The following SYTL3 variants were observed in gnomAD, a reference collection of about 807,000 sequenced individuals.
SYTL3 encodes synaptotagmin like 3, also known as synaptotagmin-like protein 3.
SYTL3 carries 88 observed loss-of-function variants against 82.1 expected under a neutral mutation model. The ratio of observed to expected loss-of-function variants is 1.07; its 90% confidence interval spans 0.90 to 1.28. The LOEUF (loss-of-function observed/expected upper bound fraction) is 1.28, where lower values mean the gene tolerates loss of function less well. Among genes scored for constraint, SYTL3 ranks in the 50% most tolerant of loss-of-function variants. SYTL3 has a pLI of 0.00. For missense variants in SYTL3, 831 were observed against 757.6 expected, an observed-to-expected ratio of 1.10 and a Z score of -1.14; for synonymous variants, 311 against 289.4, an observed-to-expected ratio of 1.07 and a Z score of -0.76.
At chr6:158,707,638 C>A (rs1292798238) in intron 7 of SYTL3, among the ~76,000 whole-genome samples, 1 of 152,190 alleles carries the variant, frequency 6.6e-6, no homozygotes, top group Non-Finnish European at 1.5e-5. Flanking sequence ...AACACCCTAC[C>A]CAGCGCCTGG....
intron 11 of SYTL3, among the ~76,000 whole-genome samples, chr6:158,729,267 G>A (rs1334604465): frequency 6.6e-6 from 1 of 152,174 alleles, no homozygotes; most frequent in Non-Finnish European, 1.5e-5. Context: ...GGAAGTTCAG[G>A]ATCTCAAGGC....
intron 5 of SYTL3, among the ~76,000 whole-genome samples, chr6:158,669,381 A>G (rs187730079): frequency 6.9e-4 from 105 of 152,330 alleles, no homozygotes; most frequent in Admixed American, 2.2e-3. Context: ...CAACAAATCA[A>G]TGATTCTTCA....
intron 12 of SYTL3, among the ~76,000 whole-genome samples, chr6:158,746,622 C>T (rs939526873): frequency 6.6e-6 from 1 of 151,706 alleles, no homozygotes; most frequent in Non-Finnish European, 1.5e-5. Context: ...TGCACCACCA[C>T]GCCCAGCTAA....
chr6:158,706,677 G>T (rs371365794), intron 6 of SYTL3, among the ~76,000 whole-genome samples: 2 of 152,104 alleles, frequency 1.3e-5, no homozygotes, highest in Non-Finnish European at 2.9e-5. Context: ...TATTTCTGGC[G>T]TCTTAACACA....
intron 5 of SYTL3, among the ~76,000 whole-genome samples, chr6:158,672,239 C>T (rs1365918815): frequency 6.6e-6 from 1 of 152,048 alleles, no homozygotes; most frequent in Non-Finnish European, 1.5e-5. Flanking sequence ...TGCAGTGAGC[C>T]GAGATTGCAC....
chr6:158,658,821 C>T (rs973511520), intron 2 of SYTL3, among the ~76,000 whole-genome samples: 20 of 151,994 alleles, frequency 1.3e-4, no homozygotes, highest in Non-Finnish European at 2.8e-4. Flanking sequence ...CGCTACTACT[C>T]GGGAGGCTGA....
At chr6:158,677,516 G>A (rs1216671058) in intron 5 of SYTL3, among the ~76,000 whole-genome samples, 6 of 151,732 alleles carry the variant, frequency 4.0e-5, no homozygotes, top group Non-Finnish European at 7.4e-5. Flanking sequence ...ACACCTGCAC[G>A]TTGTGCACAT....
intron 9 of SYTL3, among the ~76,000 whole-genome samples, chr6:158,715,641 CCCCCCACCA>C (rs1562414217): frequency 2.0e-5 from 1 of 50,802 alleles, no homozygotes; most frequent in Non-Finnish European, 5.7e-5. Context: ...CCCCCCATAC[CCCCCCACCA>C]CCCCCACCCC....
chr6:158,673,848 C>A (rs1777686984), intron 5 of SYTL3, among the ~76,000 whole-genome samples: 1 of 150,978 alleles, frequency 6.6e-6, no homozygotes. Flanking sequence ...CTTTGGGAGG[C>A]CGAGCTGGGC....
Position 158,764,583 on chromosome 6 carries a change from C to T in SYTL3, c.1812C>T (p.Asp604=), listed in dbSNP as rs761882798. 25 of 1,613,368 alleles carry T rather than the reference C, an allele frequency of 1.5e-5. No homozygotes were observed. Among genetic ancestry groups the T allele is most frequent in the Non-Finnish European group, 2.0e-5 (24 of 1,179,442 alleles). ...KVLSSPNLWT[D]MTLVLH is the part of the protein sequence containing the mutation. ...TTTCCAGCCCCAATCTATGGACAGA[C>T]ATGACTCTTGTCCTGCACTGACATG... Residue 604 remains aspartate, a synonymous_variant, in exon 18 of 18, where the codon GAC becomes GAT. Transcript: ENST00000611299.
chr6:158,738,615 C>A (rs1786510368), intron 11 of SYTL3, among the ~76,000 whole-genome samples: 1 of 152,176 alleles, frequency 6.6e-6, no homozygotes, highest in Non-Finnish European at 1.5e-5. Flanking sequence ...ACCTTCCATT[C>A]CCCTCCAGCT....
At chr6:158,732,667 T>C (rs1189554288) in intron 11 of SYTL3, among the ~76,000 whole-genome samples, 1 of 152,188 alleles carries the variant, frequency 6.6e-6, no homozygotes, top group African/African-American at 2.4e-5. Context: ...GTGTCTCCAA[T>C]GACGAAGGAA....
At chr6:158,653,764 G>A (rs1788333384) in intron 2 of SYTL3, among the ~76,000 whole-genome samples, 1 of 152,214 alleles carries the variant, frequency 6.6e-6, no homozygotes, top group Non-Finnish European at 1.5e-5. Context: ...TTGAAAGCGT[G>A]TGTGGTGATG....
In SYTL3 at chr6:158,718,198, A is replaced by C; in HGVS notation, c.707A>C (p.Asn236Thr). 6.5e-7 allele frequency: 1 copy of C among 1,538,122 alleles called. No individual in the cohort carries two copies. Among genetic ancestry groups the C allele is most frequent in the Non-Finnish European group, 8.8e-7 (1 of 1,140,298 alleles). ...ERRSQSDTAV[N>T]VTTRKVSAPD... The stretch of plus-strand genomic sequence containing the variant: ...CGGAGCCAGTCTGACACTGCGGTCA[A>C]CGTCACCACCAGGGTACCCTGAGCC... The change falls in exon 10 of 18, where the codon AAC (asparagine) becomes ACC (threonine). Residue 236 changes from asparagine to threonine, a missense_variant. Asn to Thr is a moderately conservative substitution (Grantham distance 65, BLOSUM62 0). Transcript: ENST00000611299.
intron 17 of SYTL3, 54 bp from the exon 18 acceptor site, chr6:158,764,441 G>C: frequency 7.6e-7 from 1 of 1,318,480 alleles, no homozygotes; most frequent in Non-Finnish European, 1.1e-6. Context: ...GGGATGAGAG[G>C]GGATGAAGTG....
At chr6:158,664,931 G>A (rs1789843639) in intron 4 of SYTL3, among the ~76,000 whole-genome samples, 1 of 152,030 alleles carries the variant, frequency 6.6e-6, no homozygotes, top group African/African-American at 2.4e-5. Flanking sequence ...CAAAAGCATA[G>A]CATCAGTTGA....
chr6:158,720,881 C>T (rs1037460193), intron 10 of SYTL3, among the ~76,000 whole-genome samples: 10 of 152,178 alleles, frequency 6.6e-5, no homozygotes, highest in Admixed American at 2.0e-4. Context: ...CCATTTGCAC[C>T]GTGATGTGCT....
chr6:158,713,974 C>T, intron 9 of SYTL3, 96 bp downstream of exon 9: 1 of 833,064 alleles, frequency 1.2e-6, no homozygotes, highest in Non-Finnish European at 2.0e-6. Context: ...TGACACTGTC[C>T]CTCAGGCCAC....
chr6:158,681,607 G>T (rs995691592), intron 5 of SYTL3, among the ~76,000 whole-genome samples: 1 of 152,148 alleles, frequency 6.6e-6, no homozygotes, highest in Admixed American at 6.6e-5. Flanking sequence ...GAACCCACGA[G>T]GGGGAGATTG....
Sources: gnomAD v4.1 joint callset for allele counts (sites outside exome capture counted in the v4.1 genomes callset) on GRCh38, gnomAD v4.1.1 for gene constraint, MANE v1.5 for transcripts, NCBI Gene and HGNC (gene_info 2026-07-23, HGNC 2026-07-21) for gene names.